The following CUL9 variants were observed in gnomAD, a reference collection of about 807,000 sequenced individuals.
CUL9 encodes the protein cullin-9.
A neutral mutation model predicts 272.6 loss-of-function variants in CUL9; 79 were observed. The observed-to-expected ratio is 0.29, with a 90% confidence interval of 0.24 to 0.35. CUL9 has a LOEUF of 0.35. Ranked by LOEUF, CUL9 falls within the 10% of genes least tolerant of loss-of-function variation. The probability of loss-of-function intolerance (pLI) is 1.00; values close to 1 mark genes in which losing one functional copy is unlikely to be tolerated. For missense variants in CUL9, 2,532 were observed against 3,255.6 expected, an observed-to-expected ratio of 0.78 and a Z score of 5.41; for synonymous variants, 1,186 against 1,286.5, an observed-to-expected ratio of 0.92 and a Z score of 1.67.
rs1773077215 is a variant in CUL9, at chr6:43,187,927, A to G, written c.1796A>G (p.Lys599Arg). ...SCTPDPEEES[K>R]SEASFSEEET... The stretch of plus-strand genomic sequence containing the variant: ...ACCCCAGATCCAGAAGAGGAGTCCA[A>G]GTCGGAGGCCAGCTTCTCAGAGGAA... The change falls in exon 7 of 41, where the codon AAG becomes AGG. Residue 599 changes from lysine to arginine, a missense_variant. Transcript: ENST00000252050. 2 of 1,614,094 alleles carry G rather than the reference A, an allele frequency of 1.2e-6. No homozygotes were observed. Among genetic ancestry groups the G allele is most frequent in the Non-Finnish European group, 1.7e-6 (2 of 1,180,012 alleles).
chr6:43,197,311 G>A (rs1284662775), intron 11 of CUL9, among the ~76,000 whole-genome samples: 3 of 151,902 alleles, frequency 2.0e-5, no homozygotes, highest in African/African-American at 7.3e-5. Context: ...CTCCCAAAGT[G>A]CTGGGATTGC....
chr6:43,223,308 C>T lies in CUL9; in HGVS notation c.7195C>T (p.Leu2399Phe). 1 of 1,601,072 alleles carries T rather than the reference C, an allele frequency of 6.2e-7. No homozygotes were observed. The highest frequency in any genetic ancestry group is 8.5e-7 in the Non-Finnish European group (1 of 1,173,942). The change falls in exon 39 of 41, where the codon CTC becomes TTC. Residue 2399 changes from leucine (L) to phenylalanine (F), a missense_variant. Around this residue, in one of 3 missense-constraint regions of CUL9, gnomAD observed 237 missense variants for 305.9 expected, o/e 0.77. Transcript: ENST00000252050. This position sits in a 1 kb window ranked among gnomAD's most constrained non-coding sequence, Gnocchi z 4.1. ...RCRDLASSLRLLRADCLSTGM... is the reference protein window; with the variant it reads ...RCRDLASSLRFLRADCLSTGM... ...CAGAGACCTGGCCTCCTCCCTGCGC[C>T]TCCTGCGGGCCGACTGCCTCAGCAC...
Position 43,223,362 on chromosome 6 carries a change from G to A in CUL9, c.7249G>A (p.Glu2417Lys). Reference sequence around the variant, plus strand: ...CATGGAGCTGCTCCGGCGGATCCAGGAGAGGCTGCTTGCCATCCTGCAGCA... The same window carrying A: ...CATGGAGCTGCTCCGGCGGATCCAGAAGAGGCTGCTTGCCATCCTGCAGCA... ...TGMELLRRIQ[E>K]RLLAILQHSA... Residue 2417 changes from glutamate to lysine, a missense_variant, in exon 39 of 41, where the codon GAG (glutamate) becomes AAG (lysine). Glu to Lys is a moderately conservative substitution (Grantham distance 56). Transcript: ENST00000252050. This position sits in a 1 kb window ranked among gnomAD's most constrained non-coding sequence, Gnocchi z 4.1. 1 of 1,601,548 alleles carries A rather than the reference G, an allele frequency of 6.2e-7. No individual in the cohort carries two copies. Among genetic ancestry groups the A allele is most frequent in the Non-Finnish European group, 8.5e-7 (1 of 1,173,932 alleles).
rs112334870 is a variant in CUL9, at chr6:43,196,273, C to G, written c.2585+8C>G. On this transcript the variant is annotated splice_region_variant and intron_variant, in intron 10 of 40. Transcript: ENST00000252050. ...GATGCTGAATACTGAGGGGTCAGGG[C>G]ATTACCTTCCCAACTCCAGGCTCCT... 6.2e-7 allele frequency: 1 copy of G among 1,607,858 alleles called. No individual in the cohort carries two copies. The highest frequency in any genetic ancestry group is 1.7e-5 in the Admixed American group (1 of 59,762).
At position 43,203,816 on chromosome 6, in the gene CUL9, G is replaced by T. The variant is rs1774830933; in HGVS notation, c.4026-38G>T. ...TTGAATGGAGGCCTCTGGGAAATCG[G>T]TGCCATTAATCCTCCGCCATGCACT... On this transcript the variant is annotated intron_variant, in intron 19 of 40. Transcript: ENST00000252050. This position sits in a 1 kb window ranked among gnomAD's most constrained non-coding sequence, Gnocchi z 5.0. 2 of 1,567,142 alleles carry T rather than the reference G, an allele frequency of 1.3e-6. No homozygotes were observed. The highest frequency in any genetic ancestry group is 1.7e-6 in the Non-Finnish European group (2 of 1,152,046).
In CUL9 at chr6:43,203,672, C is replaced by T. The variant is rs538121931; in HGVS notation, c.4025+80C>T. The T allele has an allele frequency of 7.1e-6, 11 of 1,538,480 alleles. No individual in the cohort carries two copies. The highest frequency in any genetic ancestry group is 3.7e-5 in the Admixed American group (2 of 53,770). On this transcript the variant is annotated intron_variant, in intron 19 of 40. Transcript: ENST00000252050. This position sits in a 1 kb window ranked among gnomAD's most constrained non-coding sequence, Gnocchi z 5.0. ...TAGGAGGGATGCTCCTGTGGGAGTC[C>T]GGAAGGGAAAGCTGCAGCCAGGACA...
chr6:43,224,286 G>A lies in CUL9; in HGVS notation c.7395G>A (p.Glu2465=), dbSNP rs1172773396. 27 of 1,614,118 alleles carry A rather than the reference G, an allele frequency of 1.7e-5. 1 individual carries two copies. The Admixed American group carries it at 4.5e-4, about 27-fold the overall frequency. Residue 2465 remains glutamate (E), a synonymous_variant, in exon 41 of 41, where the codon GAG becomes GAA. Coordinates refer to ENST00000252050, the MANE Select transcript of CUL9 (RefSeq NM_015089.4). The surrounding 1 kb of genome is among the most constrained non-coding windows in gnomAD (Gnocchi z 4.2). ...CCTCAGGGCCAGAGGCAGAAGAGGA[G>A]GAGGAAGACGATGAGGATGATGTGC... is the stretch of plus-strand genomic sequence containing the variant. ...QASSGPEAEE[E]EEDDEDDVPE... is the part of the protein sequence containing the mutation.
intron 8 of CUL9, 40 bp downstream of exon 8, chr6:43,188,755 G>A (rs1442002068): frequency 2.0e-6 from 3 of 1,496,710 alleles, no homozygotes; most frequent in Non-Finnish European, 2.7e-6. Flanking sequence ...GGTTGAAGCT[G>A]TAGGCAAAGG....
rs949119482 is a variant in CUL9, at chr6:43,213,424, T to C, written c.5359-14T>C. Reference sequence around the variant, plus strand: ...CTTTCCTTTGACTCCTGACTGGGCGTTTCTGCTCATCAGGAGGTGTCAGTA... The same window carrying C: ...CTTTCCTTTGACTCCTGACTGGGCGCTTCTGCTCATCAGGAGGTGTCAGTA... On this transcript the variant is annotated splice_polypyrimidine_tract_variant and intron_variant, in intron 27 of 40. Coordinates refer to ENST00000252050, the MANE Select transcript of CUL9 (RefSeq NM_015089.4). The surrounding 1 kb of genome is among the most constrained non-coding windows in gnomAD (Gnocchi z 5.7). 1.2e-6 allele frequency: 2 copies of C among 1,613,740 alleles called. No homozygotes were observed. The highest frequency in any genetic ancestry group is 2.7e-5 in the African/African-American group (2 of 74,900).
chr6:43,217,981 A>G (rs1253017615), intron 31 of CUL9, among the ~76,000 whole-genome samples: 3 of 152,168 alleles, frequency 2.0e-5, no homozygotes, highest in Non-Finnish European at 4.4e-5. Context: ...TTTACATGAC[A>G]GAGGGAGACA....
chr6:43,202,672 C>G, intron 16 of CUL9, 44 bp from the exon 17 acceptor site: 1 of 1,554,440 alleles, frequency 6.4e-7, no homozygotes, highest in South Asian at 1.1e-5. Flanking sequence ...TGAGCCACCA[C>G]GTCCAGAGGC....
Position 43,213,468 on chromosome 6 carries a change from T to C in CUL9, c.5389T>C (p.Ser1797Pro). The C allele has an allele frequency of 6.2e-7, 1 of 1,614,226 alleles. No individual in the cohort carries two copies. Among genetic ancestry groups the C allele is most frequent in the Non-Finnish European group, 8.5e-7 (1 of 1,180,042 alleles). Residue 1797 changes from serine to proline, a missense_variant, in exon 28 of 41, where the codon TCT (serine) becomes CCT (proline). By Grantham distance (74) the Ser-to-Pro change is moderately conservative. This residue lies in a region of CUL9 where 2,218 missense variants were observed against 2,788.6 expected (regional missense o/e 0.80). Transcript: ENST00000252050. This position sits in a 1 kb window ranked among gnomAD's most constrained non-coding sequence, Gnocchi z 5.7. ...GTCAGTAGAGACCTTGCTGAAGGATTCTGACCTCTCCCCAGAGCTGCTGCT... is the reference window on the plus strand; with the variant it reads ...GTCAGTAGAGACCTTGCTGAAGGATCCTGACCTCTCCCCAGAGCTGCTGCT... Reference protein sequence around the residue: ...EVSVETLLKDSDLSPELLLQA... With the variant: ...EVSVETLLKDPDLSPELLLQA...
chr6:43,198,283 A>G (rs1774190673), intron 11 of CUL9: 1 of 984,298 alleles, frequency 1.0e-6, no homozygotes, highest in Admixed American at 6.2e-5. Flanking sequence ...CTGTGTACCT[A>G]AAGCCACCAT....
At position 43,187,277 on chromosome 6, in the gene CUL9, T is replaced by C; in HGVS notation, c.1419T>C (p.Asp473=). The change falls in exon 6 of 41, where the codon GAT becomes GAC. Residue 473 remains aspartate (D), a synonymous_variant. Transcript: ENST00000252050. ...CCTCCTGGGACTGGAATCCTATGGATGGGCTGTACCCTTTGCCGTACCTCC... is the reference window on the plus strand; with the variant it reads ...CCTCCTGGGACTGGAATCCTATGGACGGGCTGTACCCTTTGCCGTACCTCC... The part of the protein sequence containing the change: ...AFPSWDWNPM[D]GLYPLPYLQP... The C allele has an allele frequency of 6.2e-7, 1 of 1,613,986 alleles. No individual in the cohort carries two copies. Among genetic ancestry groups the C allele is most frequent in the Non-Finnish European group, 8.5e-7 (1 of 1,179,950 alleles).
In CUL9 at chr6:43,220,825, C is replaced by T. The variant is rs781101775; in HGVS notation, c.6502C>T (p.Arg2168Cys). The stretch of plus-strand genomic sequence containing the variant: ...GTGCACCAACCCCCAGGGCTGCGAC[C>T]GCATCCTGTGCCGCCAGGGCCTGGG... ...TWCTNPQGCD[R>C]ILCRQGLGCG... The change falls in exon 33 of 41, where the codon CGC becomes TGC. Residue 2168 changes from arginine to cysteine, a missense_variant. Coordinates refer to ENST00000252050, the MANE Select transcript of CUL9 (RefSeq NM_015089.4). This position sits in a 1 kb window ranked among gnomAD's most constrained non-coding sequence, Gnocchi z 4.9. 4 of 1,613,572 alleles carry T rather than the reference C, an allele frequency of 2.5e-6. No individual in the cohort carries two copies. The African/African-American group carries it at 4.0e-5, about 16-fold the overall frequency.
intron 26 of CUL9, among the ~76,000 whole-genome samples, chr6:43,211,567 TA>T (rs888705391): frequency 1.3e-5 from 2 of 150,566 alleles, no homozygotes; most frequent in Admixed American, 6.6e-5. Flanking sequence ...CAAAAACAAA[TA>T]AAAAAAAAGT....
chr6:43,213,252 C>T lies in CUL9; in HGVS notation c.5316C>T (p.Ser1772=). The change falls in exon 27 of 41, where the codon TCC becomes TCT. Residue 1772 remains serine, a synonymous_variant. Coordinates refer to ENST00000252050, the MANE Select transcript of CUL9 (RefSeq NM_015089.4). This position sits in a 1 kb window ranked among gnomAD's most constrained non-coding sequence, Gnocchi z 5.7. ...LQFGKQILHV[S]TVQMWLLLKF... ...TTGGGAAGCAGATACTGCATGTGTCCACCGTGCAGATGTGGCTGCTGCTGA... is the reference window on the plus strand; with the variant it reads ...TTGGGAAGCAGATACTGCATGTGTCTACCGTGCAGATGTGGCTGCTGCTGA... 6.2e-7 allele frequency: 1 copy of T among 1,613,300 alleles called. No homozygotes were observed. Among genetic ancestry groups the T allele is most frequent in the Non-Finnish European group, 8.5e-7 (1 of 1,179,812 alleles).
At position 43,192,491 on chromosome 6, in the gene CUL9, C is replaced by T. The variant is rs574914175; in HGVS notation, c.2181-510C>T. 1.1e-3 allele frequency among the ~76,000 whole-genome samples: 166 copies of T among 152,206 alleles called. 1 individual carries two copies. The highest frequency in any genetic ancestry group is 3.0e-3 in the African/African-American group (126 of 41,520). ...TTCGAGACCAGTCTGGGAAACATAGCGAAACCCCGTCTCTACTGAAAAACA... is the reference window on the plus strand; with the variant it reads ...TTCGAGACCAGTCTGGGAAACATAGTGAAACCCCGTCTCTACTGAAAAACA... On this transcript the variant is annotated intron_variant, in intron 8 of 40. Coordinates refer to ENST00000252050, the MANE Select transcript of CUL9 (RefSeq NM_015089.4).
Position 43,224,089 on chromosome 6 carries a change from CA to C in CUL9, c.7285-5del. On this transcript the variant is annotated splice_region_variant and splice_polypyrimidine_tract_variant and intron_variant, in intron 39 of 40. Coordinates refer to ENST00000252050, the MANE Select transcript of CUL9 (RefSeq NM_015089.4). This position sits in a 1 kb window ranked among gnomAD's most constrained non-coding sequence, Gnocchi z 4.2. ...TCCTTCTCAAATCCTTCTGTCTGCT[CA>C]CCAGGATTTCCGGGTTGGTCTTCAG... 2 of 1,614,088 alleles carry C rather than the reference CA, an allele frequency of 1.2e-6. No individual in the cohort carries two copies. The highest frequency in any genetic ancestry group is 1.7e-6 in the Non-Finnish European group (2 of 1,179,946).
Sources: gnomAD v4.1 joint callset for allele counts (sites outside exome capture counted in the v4.1 genomes callset) on GRCh38, gnomAD v4.1.1 for gene constraint, gnomAD v4.1.1 regional missense constraint, Gnocchi (gnomAD v3.1) non-coding constraint, MANE v1.5 for transcripts, NCBI Gene and HGNC (gene_info 2026-07-23, HGNC 2026-07-21) for gene names.